The following PJVK variants were observed in gnomAD, a reference collection of about 807,000 sequenced individuals.
PJVK encodes the protein autosomal recessive deafness type 59 protein.
In PJVK, 33 loss-of-function variants were observed where a neutral mutation model predicts 37.6. That is an observed-to-expected ratio of 0.88 (90% confidence interval 0.67 to 1.17). PJVK has a LOEUF of 1.17. Among genes scored for constraint, PJVK ranks in the 50% most tolerant of loss-of-function variants. The pLI, the probability that PJVK is intolerant of heterozygous loss-of-function variation, is 0.00. For synonymous variants in PJVK, 141 were observed against 143.5 expected (o/e 0.98, Z 0.13); for missense variants, 410 against 413.8 (o/e 0.99, Z 0.08).
intron 3 of PJVK, 34 bp from the exon 4 acceptor site, chr2:178,455,976 A>G (rs745344098): frequency 1.2e-6 from 2 of 1,609,362 alleles, no homozygotes; most frequent in East Asian, 2.2e-5. Context: ...ATTAGATGTT[A>G]TAGAGTCTTG....
intron 1 of PJVK, 165 bp downstream of exon 1, chr2:178,451,934 C>G (rs1428390491): frequency 1.4e-6 from 1 of 713,162 alleles, no homozygotes; most frequent in African/African-American, 1.9e-5. Flanking sequence ...AAATGCTCCC[C>G]TGTGCTTACT....
intron 1 of PJVK, 154 bp from the exon 2 acceptor site, chr2:178,453,234 C>T (rs1380326074): frequency 1.6e-6 from 1 of 636,742 alleles, no homozygotes; most frequent in Non-Finnish European, 2.8e-6. Context: ...ATTACCTGAG[C>T]ACATGAGCAG....
At chr2:178,453,330 A>C in intron 1 of PJVK, 58 bp from the exon 2 acceptor site, 3 of 1,374,780 alleles carry the variant, frequency 2.2e-6, no homozygotes, top group Non-Finnish European at 3.1e-6. Context: ...AAAACAAGCA[A>C]TGCTTAATTT....
chr2:178,454,579 T>C (rs866728551), intron 3 of PJVK, 52 bp downstream of exon 3: 4 of 1,548,566 alleles, frequency 2.6e-6, no homozygotes, highest in Middle Eastern at 1.8e-4. Flanking sequence ...ATACTTTAGG[T>C]ATATAAACTT....
At position 178,460,448 on chromosome 2, in the gene PJVK, T is replaced by A; in HGVS notation, c.766+2T>A. Reference sequence around the variant, plus strand: ...TGAGAAATATCCTATTTGAAAGAAGTATGTTTATTGAAGAGTACTGTGAAT... The same window carrying A: ...TGAGAAATATCCTATTTGAAAGAAGAATGTTTATTGAAGAGTACTGTGAAT... On this transcript the variant is annotated splice_donor_variant, in intron 6 of 6. Transcript: ENST00000644580. LOFTEE classifies it high-confidence loss of function. The A allele has an allele frequency of 6.2e-7, 1 of 1,612,710 alleles. No individual in the cohort carries two copies. Among genetic ancestry groups the A allele is most frequent in the Non-Finnish European group, 8.5e-7 (1 of 1,178,782 alleles).
At chr2:178,451,919 A>G in intron 1 of PJVK, 150 bp downstream of exon 1, 1 of 848,986 alleles carries the variant, frequency 1.2e-6, no homozygotes, top group Non-Finnish European at 1.4e-6. Context: ...GCTAGGCACT[A>G]GCAGAAATGC....
chr2:178,460,985 G>A lies in PJVK; in HGVS notation c.770G>A (p.Arg257Lys). The change falls in exon 7 of 7, where the codon AGA becomes AAA. Residue 257 changes from arginine (R) to lysine (K), a missense_variant. Physicochemically the swap from Arg to Lys is conservative, Grantham distance 26. Transcript: ENST00000644580. Reference protein sequence around the residue: ...RLRNILFERNRRVMDVISRSQ... With the variant: ...RLRNILFERNKRVMDVISRSQ... ...TTTTCTGTTTTTGTCCTTTTAGATA[G>A]AAGAGTGATGGATGTCATTTCTCGT... The A allele has an allele frequency of 1.2e-6, 2 of 1,612,016 alleles. No individual in the cohort carries two copies. Among genetic ancestry groups the A allele is most frequent in the Non-Finnish European group, 1.7e-6 (2 of 1,179,238 alleles).
chr2:178,460,183 C>T (rs1381914539), intron 5 of PJVK, among the ~76,000 whole-genome samples, 165 bp from the exon 6 acceptor site: 1 of 152,166 alleles, frequency 6.6e-6, no homozygotes, highest in African/African-American at 2.4e-5. Flanking sequence ...TATCTCCTTT[C>T]TGTATGAATT....
chr2:178,453,701 G>A, intron 2 of PJVK, 81 bp downstream of exon 2: 2 of 1,155,552 alleles, frequency 1.7e-6, no homozygotes, highest in Non-Finnish European at 2.5e-6. Context: ...TGCTACTTAT[G>A]TTAGTAATAC....
chr2:178,454,650 G>A (rs901219887), intron 3 of PJVK, 123 bp downstream of exon 3: 3 of 1,433,934 alleles, frequency 2.1e-6, no homozygotes, highest in African/African-American at 1.4e-5. Flanking sequence ...TGCTAGATAT[G>A]TTTGAAATAC....
intron 4 of PJVK, among the ~76,000 whole-genome samples, chr2:178,458,237 C>T (rs556919958): frequency 2.6e-5 from 4 of 151,662 alleles, no homozygotes; most frequent in African/African-American, 7.2e-5. Context: ...AAGGCTTCTG[C>T]TCCAGAGCAT....
intron 4 of PJVK, among the ~76,000 whole-genome samples, chr2:178,457,371 TTAGGAAGACTGAGA>T (rs1428775620): frequency 3.3e-5 from 5 of 152,230 alleles, no homozygotes; most frequent in African/African-American, 1.2e-4. Context: ...ATCCCAGTGC[TTAGGAAGACTGAGA>T]TAGGAAGACA....
At chr2:178,455,591 T>A (rs948637757) in intron 3 of PJVK, among the ~76,000 whole-genome samples, 6 of 151,554 alleles carry the variant, frequency 4.0e-5, no homozygotes, top group Non-Finnish European at 7.4e-5. Flanking sequence ...GGGCTTGGGG[T>A]CTTGTCCTCC....
At chr2:178,459,131 C>A in intron 5 of PJVK, 1 of 470,470 alleles carries the variant, frequency 2.1e-6, no homozygotes, top group Non-Finnish European at 4.4e-6. Context: ...AATACTTCCT[C>A]CAAAATTGTC....
chr2:178,460,897 A>T, intron 6 of PJVK, 85 bp from the exon 7 acceptor site: 136 of 730,780 alleles, frequency 1.9e-4, no homozygotes, highest in Middle Eastern at 3.2e-4. Context: ...TGACTAGTGG[A>T]TTCACATATT....
chr2:178,460,613 C>T (rs529753229), intron 6 of PJVK, among the ~76,000 whole-genome samples, 167 bp downstream of exon 6: 1 of 151,658 alleles, frequency 6.6e-6, no homozygotes, highest in Non-Finnish European at 1.5e-5. Flanking sequence ...GAGGCCAGGG[C>T]AGGCAGATTG....
rs538903645 is a variant in PJVK at position 178,453,827 on chromosome 2, A to G, written c.211+207A>G. 36 of 506,054 alleles carry G rather than the reference A, an allele frequency of 7.1e-5. No homozygotes were observed. In the East Asian group the frequency reaches 1.3e-3, roughly 19 times the overall value. 31.3% of individuals were successfully genotyped at this position (506,054 alleles called of 1,614,324 possible). A position where few individuals can be genotyped will look rare whatever the true frequency, so the allele number is the denominator to read the frequency against. On this transcript the variant is annotated intron_variant, in intron 2 of 6. Coordinates refer to ENST00000644580, the MANE Select transcript of PJVK (RefSeq NM_001042702.5). ...ATCTCTTATTGGTCAAATAATTTTC[A>G]AATCTATCAATTATTTTATAAATTG...
At chr2:178,454,580 A>G in intron 3 of PJVK, 53 bp downstream of exon 3, 1 of 1,550,022 alleles carries the variant, frequency 6.5e-7, no homozygotes, top group Non-Finnish European at 8.8e-7. Context: ...TACTTTAGGT[A>G]TATAAACTTC....
In PJVK at chr2:178,453,446, G is replaced by A; in HGVS notation, c.37G>A (p.Val13Ile). Residue 13 changes from valine to isoleucine, a missense_variant, in exon 2 of 7, where the codon GTT becomes ATT. Coordinates refer to ENST00000644580, the MANE Select transcript of PJVK (RefSeq NM_001042702.5). ...TGCTACCAAGAGCTTTGTCAAGCAA[G>A]TTGGAGATGGAGGGAGATTAGTTCC... ...AAATKSFVKQ[V>I]GDGGRLVPVP... The A allele has an allele frequency of 6.2e-7, 1 of 1,614,186 alleles. No individual in the cohort carries two copies.
Sources: gnomAD v4.1 joint callset for allele counts (sites outside exome capture counted in the v4.1 genomes callset) on GRCh38, gnomAD v4.1.1 for gene constraint, MANE v1.5 for transcripts, NCBI Gene and HGNC (gene_info 2026-07-23, HGNC 2026-07-21) for gene names.